Variants in ANKS1B observed in about 807,000 individuals in gnomAD.
The protein encoded by ANKS1B is ankyrin repeat and sterile alpha motif domain-containing protein 1B.
In ANKS1B, 36 loss-of-function variants were observed where a neutral mutation model predicts 148.3. The observed-to-expected ratio is 0.24, with a 90% CI of 0.19 to 0.32. The LOEUF (loss-of-function observed/expected upper bound fraction) is 0.32, where lower values mean the gene tolerates loss of function less well. Among genes scored for constraint, ANKS1B ranks in the 10% least tolerant of loss-of-function variants. The probability of loss-of-function intolerance (pLI) is 1.00; values close to 1 mark genes in which losing one functional copy is unlikely to be tolerated. For synonymous variants in ANKS1B, 542 were observed against 560.8 expected, an observed-to-expected ratio of 0.97 and a Z score of 0.47; for missense variants, 1,157 against 1,542.6, an observed-to-expected ratio of 0.75 and a Z score of 4.19.
rs370570920 is a variant in ANKS1B at position 99,733,560 on chromosome 12, A to G, written c.1128+39362T>C. The stretch of plus-strand genomic sequence containing the variant: ...CATATATTACCCATTTAATTATCAC[A>G]ATGACTCTGTAAGAGAAAACATTTT... On this transcript the variant is annotated intron_variant, in intron 8 of 26. Transcript: ENST00000683438. 9.0e-4 allele frequency among the ~76,000 whole-genome samples: 137 copies of G among 152,336 alleles called. 1 individual carries two copies. The highest frequency in any genetic ancestry group is 3.1e-3 in the African/African-American group (128 of 41,586).
At chr12:99,877,113 A>G (rs1220897860) in intron 1 of ANKS1B, among the ~76,000 whole-genome samples, 7 of 152,136 alleles carry the variant, frequency 4.6e-5, no homozygotes, top group Non-Finnish European at 1.0e-4. Flanking sequence ...CCAGTCCCCA[A>G]TATGGTTGAA....
intron 4 of ANKS1B, among the ~76,000 whole-genome samples, chr12:99,800,001 T>C (rs992066223): frequency 6.6e-6 from 1 of 152,164 alleles, no homozygotes; most frequent in African/African-American, 2.4e-5. Context: ...ATGGGATCAC[T>C]TCTGGCTGTT....
intron 8 of ANKS1B, among the ~76,000 whole-genome samples, chr12:99,655,921 C>G (rs1416720518): frequency 6.6e-6 from 1 of 152,014 alleles, no homozygotes; most frequent in Non-Finnish European, 1.5e-5. Flanking sequence ...AAGCAAAGAA[C>G]CTTCATGTGG....
chr12:98,961,891 T>C (rs2099872081), intron 17 of ANKS1B, among the ~76,000 whole-genome samples: 2 of 149,914 alleles, frequency 1.3e-5, no homozygotes, highest in Admixed American at 1.3e-4. Context: ...TAACTTCAAA[T>C]CAAAAATCAT....
At chr12:99,846,916 G>C (rs1333264023) in intron 1 of ANKS1B, among the ~76,000 whole-genome samples, 2 of 152,034 alleles carry the variant, frequency 1.3e-5, no homozygotes, top group African/African-American at 4.8e-5. Flanking sequence ...CCCTCCCATA[G>C]GTGTAGAAGA....
chr12:99,265,559 G>C (rs973649721), intron 12 of ANKS1B, among the ~76,000 whole-genome samples: 2 of 152,168 alleles, frequency 1.3e-5, no homozygotes, highest in Non-Finnish European at 1.5e-5. Flanking sequence ...GAGAGGATCA[G>C]AACTAACAGC....
At position 99,261,953 on chromosome 12, in the gene ANKS1B, C is replaced by T. The variant is rs138638043; in HGVS notation, c.1757-15089G>A. On this transcript the variant is annotated intron_variant, in intron 12 of 26. Transcript: ENST00000683438. ...TTAAATAACATAAGCTCCTACTACA[C>T]TCCTTTTCCCTTAACTGACATCCAG... Among the ~76,000 whole-genome samples the T allele has an allele frequency of 9.2e-5, 14 of 152,212 alleles. No homozygotes were observed. The East Asian group carries it at 2.7e-3, about 29-fold the overall frequency.
At chr12:99,337,703 C>A (rs541305047) in intron 12 of ANKS1B, among the ~76,000 whole-genome samples, 1 of 152,266 alleles carries the variant, frequency 6.6e-6, no homozygotes, top group African/African-American at 2.4e-5. Flanking sequence ...TTACTGCAGC[C>A]ATATCTGCAT....
intron 1 of ANKS1B, among the ~76,000 whole-genome samples, chr12:99,911,621 C>T (rs527531313): frequency 1.3e-5 from 2 of 152,262 alleles, no homozygotes; most frequent in East Asian, 3.9e-4. Context: ...AGCAATATAA[C>T]ACATAATGAT....
intron 17 of ANKS1B, among the ~76,000 whole-genome samples, chr12:98,916,032 C>G (rs1490805395): frequency 6.6e-6 from 1 of 152,190 alleles, no homozygotes; most frequent in East Asian, 1.9e-4. Flanking sequence ...ACGCTCCCAC[C>G]ACCATCACAT....
At chr12:99,184,679 G>T (rs903495787) in intron 14 of ANKS1B, among the ~76,000 whole-genome samples, 3 of 152,208 alleles carry the variant, frequency 2.0e-5, no homozygotes, top group Admixed American at 6.5e-5. Flanking sequence ...TTCGTCAAGA[G>T]TTAGTGCAAA....
At chr12:99,718,083 T>G in intron 8 of ANKS1B, among the ~76,000 whole-genome samples, 1 of 151,762 alleles carries the variant, frequency 6.6e-6, no homozygotes, top group East Asian at 1.9e-4. Flanking sequence ...TTTTGTATTT[T>G]TAGTAGAGAC....
At chr12:98,996,084 A>G (rs1217818036) in intron 17 of ANKS1B, among the ~76,000 whole-genome samples, 1 of 152,100 alleles carries the variant, frequency 6.6e-6, no homozygotes, top group Non-Finnish European at 1.5e-5. Flanking sequence ...ATCATAACTC[A>G]TGGGACATTG....
At chr12:99,419,306 T>A (rs1025446093) in intron 11 of ANKS1B, among the ~76,000 whole-genome samples, 17 of 152,224 alleles carry the variant, frequency 1.1e-4, no homozygotes, top group African/African-American at 4.1e-4. Flanking sequence ...GCTATTCACA[T>A]TATGTATTAC....
intron 3 of ANKS1B, among the ~76,000 whole-genome samples, chr12:99,810,787 G>A (rs1030751118): frequency 6.6e-6 from 1 of 151,788 alleles, no homozygotes; most frequent in Non-Finnish European, 1.5e-5. Flanking sequence ...AAAACATCTT[G>A]TTTGTAAAAA....
At chr12:99,914,883 TC>T (rs2153790671) in intron 1 of ANKS1B, among the ~76,000 whole-genome samples, 1 of 152,210 alleles carries the variant, frequency 6.6e-6, no homozygotes, top group East Asian at 1.9e-4. Context: ...GATCTGCCCT[TC>T]ATCTTTCATT....
At chr12:99,524,158 C>T (rs1238805000) in intron 9 of ANKS1B, among the ~76,000 whole-genome samples, 1 of 152,010 alleles carries the variant, frequency 6.6e-6, no homozygotes, top group African/African-American at 2.4e-5. Flanking sequence ...GAAAAAGTAT[C>T]CCCTGAAGAT....
chr12:98,827,331 AG>A (rs1319697290), intron 19 of ANKS1B, among the ~76,000 whole-genome samples: 1 of 152,214 alleles, frequency 6.6e-6, no homozygotes, highest in Non-Finnish European at 1.5e-5. Context: ...TGTGTCTAGC[AG>A]TCACTCGATC....
At chr12:99,035,939 G>A (rs1347987689) in intron 17 of ANKS1B, among the ~76,000 whole-genome samples, 3 of 152,180 alleles carry the variant, frequency 2.0e-5, no homozygotes, top group Non-Finnish European at 4.4e-5. Context: ...TCCACTGGGT[G>A]AGCTGCTCAG....
Sources: allele counts gnomAD v4.1 joint callset (sites outside exome capture counted in the v4.1 genomes callset), GRCh38; gene constraint gnomAD v4.1.1; transcripts MANE v1.5; gene names NCBI Gene and HGNC (gene_info 2026-07-23, HGNC 2026-07-21).